MBD5: variants seen among roughly 807,000 people sequenced by gnomAD.
MBD5 encodes the protein methyl-CpG-binding domain protein 5.
Under a neutral mutation model 117.3 loss-of-function variants are expected in MBD5, and 13 were observed. That is an observed-to-expected ratio of 0.11 (90% CI 0.07 to 0.18). The LOEUF (loss-of-function observed/expected upper bound fraction) is 0.18, where lower values mean the gene tolerates loss of function less well. Among genes scored for constraint, MBD5 ranks in the 10% least tolerant of loss-of-function variants. MBD5 has a pLI of 1.00. For missense variants in MBD5, 1,879 were observed against 2,093.8 expected (o/e 0.90, Z 2.00); for synonymous variants, 727 against 766.4 (o/e 0.95, Z 0.85).
intron 1 of MBD5, among the ~76,000 whole-genome samples, chr2:148,161,898 C>T (rs1219346276): frequency 2.0e-5 from 3 of 152,184 alleles, no homozygotes; most frequent in Admixed American, 6.5e-5. Context: ...ATTTCGCCAA[C>T]ATTTAGGGCT....
chr2:148,355,630 T>C (rs1703362444), intron 4 of MBD5, among the ~76,000 whole-genome samples: 1 of 152,168 alleles, frequency 6.6e-6, no homozygotes, highest in East Asian at 1.9e-4. Flanking sequence ...TTCTGTTCCA[T>C]TGGTCTATAT....
At chr2:148,479,149 A>G (rs1229372445) in intron 8 of MBD5, among the ~76,000 whole-genome samples, 1 of 152,224 alleles carries the variant, frequency 6.6e-6, no homozygotes, top group African/African-American at 2.4e-5. Context: ...GACTGTAAGC[A>G]TGAATGAGTA....
intron 3 of MBD5, among the ~76,000 whole-genome samples, chr2:148,263,725 CTAAT>C (rs1293865774): frequency 1.3e-5 from 2 of 152,148 alleles, no homozygotes; most frequent in Non-Finnish European, 2.9e-5. Context: ...ACAAAAGAAT[CTAAT>C]TATCTTTTAC....
At chr2:148,449,198 A>T (rs1008983829) in intron 4 of MBD5, among the ~76,000 whole-genome samples, 12 of 152,124 alleles carry the variant, frequency 7.9e-5, no homozygotes, top group African/African-American at 2.7e-4. Flanking sequence ...AGAGCTGGTA[A>T]TTGTTCACTT....
At chr2:148,390,344 T>G (rs1230459314) in intron 4 of MBD5, among the ~76,000 whole-genome samples, 1 of 151,836 alleles carries the variant, frequency 6.6e-6, no homozygotes, top group East Asian at 1.9e-4. Flanking sequence ...TAATCTTAAT[T>G]ACCTCCTTAA....
chr2:148,425,332 C>A (rs1377194644), intron 4 of MBD5, among the ~76,000 whole-genome samples: 1 of 152,048 alleles, frequency 6.6e-6, no homozygotes, highest in Non-Finnish European at 1.5e-5. Flanking sequence ...CAAGTCTAAA[C>A]CAGGAAGAAG....
intron 1 of MBD5, among the ~76,000 whole-genome samples, chr2:148,125,231 C>A (rs1315776567): frequency 6.6e-6 from 1 of 151,718 alleles, no homozygotes; most frequent in East Asian, 1.9e-4. Context: ...ATTTTTTTAA[C>A]CAGTTCTTTA....
intron 8 of MBD5, among the ~76,000 whole-genome samples, chr2:148,478,454 AGGCTGAGG>A (rs556194419): frequency 2.2e-4 from 33 of 152,200 alleles, no homozygotes; most frequent in African/African-American, 7.7e-4. Context: ...GTGCCTCAGG[AGGCTGAGG>A]CAGGAGAATC....
chr2:148,325,883 G>T (rs950760230), intron 3 of MBD5, among the ~76,000 whole-genome samples: 5 of 152,080 alleles, frequency 3.3e-5, no homozygotes, highest in African/African-American at 1.2e-4. Flanking sequence ...GCTAGCTTTT[G>T]AATGTGTTTG....
At chr2:148,113,386 C>G (rs955526180) in intron 1 of MBD5, among the ~76,000 whole-genome samples, 2 of 152,140 alleles carry the variant, frequency 1.3e-5, no homozygotes, top group African/African-American at 4.8e-5. Context: ...TACTTACTCT[C>G]TAACTTATAC....
At chr2:148,034,051 C>G (rs1233582360) in intron 1 of MBD5, among the ~76,000 whole-genome samples, 1 of 152,036 alleles carries the variant, frequency 6.6e-6, no homozygotes, top group African/African-American at 2.4e-5. Context: ...AAAAATTAGC[C>G]AGGCATGGGG....
rs780490918 is a variant in MBD5 at position 148,483,149 on chromosome 2, C to T, written c.2558C>T (p.Thr853Ile). Residue 853 changes from threonine to isoleucine, a missense_variant, in exon 9 of 14, where the codon ACC (threonine) becomes ATC (isoleucine). Around this residue, in one of 4 missense-constraint regions of MBD5, gnomAD observed 1,666 missense variants for 1,792.2 expected, o/e 0.93. Coordinates refer to ENST00000642680, the MANE Select transcript of MBD5 (RefSeq NM_001378120.1). Reference protein sequence around the residue: ...GPSSSIAIAGTNHPAITKTTS... With the variant: ...GPSSSIAIAGINHPAITKTTS... ...TCATCCTCCATAGCCATAGCGGGCA[C>T]CAACCACCCTGCCATCACAAAGACA... The T allele has an allele frequency of 1.9e-6, 3 of 1,612,896 alleles. No individual in the cohort carries two copies. Among genetic ancestry groups the T allele is most frequent in the Admixed American group, 3.3e-5 (2 of 59,918 alleles).
chr2:148,119,318 G>T (rs1043343117), intron 1 of MBD5, among the ~76,000 whole-genome samples: 1 of 152,042 alleles, frequency 6.6e-6, no homozygotes, highest in East Asian at 1.9e-4. Context: ...CTTCTTTGGA[G>T]AAATGTCTAT....
chr2:148,333,156 T>C (rs1434605762), intron 3 of MBD5, among the ~76,000 whole-genome samples: 1 of 152,172 alleles, frequency 6.6e-6, no homozygotes, highest in Admixed American at 6.5e-5. Context: ...AAATTTTATG[T>C]CCCTAAAGAG....
intron 3 of MBD5, among the ~76,000 whole-genome samples, chr2:148,281,036 G>A (rs1701233296): frequency 1.3e-5 from 2 of 152,104 alleles, no homozygotes; most frequent in Non-Finnish European, 2.9e-5. Flanking sequence ...TCCTTGCTCT[G>A]TGGTGGATTG....
At chr2:148,411,595 T>C (rs1705251983) in intron 4 of MBD5, among the ~76,000 whole-genome samples, 2 of 151,370 alleles carry the variant, frequency 1.3e-5, no homozygotes, top group Admixed American at 6.6e-5. Flanking sequence ...GATTTGCATT[T>C]CTCTGATGAT....
At chr2:148,228,617 G>A (rs975738581) in intron 2 of MBD5, among the ~76,000 whole-genome samples, 1 of 152,176 alleles carries the variant, frequency 6.6e-6, no homozygotes. Flanking sequence ...GATGATGCTG[G>A]CCTCATAAAA....
At chr2:148,462,411 A>G (rs1222068366) in intron 5 of MBD5, among the ~76,000 whole-genome samples, 171 bp from the exon 6 acceptor site, 2 of 152,194 alleles carry the variant, frequency 1.3e-5, no homozygotes, top group African/African-American at 2.4e-5. Context: ...AGAAAACACA[A>G]TATTGTTAAA....
chr2:148,477,289 T>G (rs1680999661), intron 8 of MBD5, among the ~76,000 whole-genome samples: 2 of 152,090 alleles, frequency 1.3e-5, no homozygotes, highest in South Asian at 4.1e-4. Context: ...CCCTGTTGAG[T>G]GTGGAGAGCA....
Sources: gnomAD v4.1 joint callset for allele counts (sites outside exome capture counted in the v4.1 genomes callset) on GRCh38, gnomAD v4.1.1 for gene constraint, gnomAD v4.1.1 regional missense constraint, MANE v1.5 for transcripts, NCBI Gene and HGNC (gene_info 2026-07-23, HGNC 2026-07-21) for gene names.